Variants in PTPRK observed in about 807,000 individuals in gnomAD.
PTPRK encodes the protein protein tyrosine phosphatase receptor type K.
A neutral mutation model predicts 178.0 loss-of-function variants in PTPRK; 75 were observed. The ratio of observed to expected loss-of-function variants is 0.42; its 90% confidence interval spans 0.35 to 0.51. PTPRK has a LOEUF of 0.51. Among genes scored for constraint, PTPRK ranks in the 20% least tolerant of loss-of-function variants. The pLI, the probability that PTPRK is intolerant of heterozygous loss-of-function variation, is 0.02. For missense variants in PTPRK, 1,441 were observed against 1,797.8 expected (o/e 0.80, Z 3.59); for synonymous variants, 637 against 620.6 (o/e 1.03, Z -0.39).
intron 7 of PTPRK, among the ~76,000 whole-genome samples, chr6:128,143,899 C>A (rs911917276): frequency 6.6e-6 from 1 of 152,170 alleles, no homozygotes. Flanking sequence ...CAATGACAAA[C>A]GTATAACTAT....
intron 1 of PTPRK, among the ~76,000 whole-genome samples, chr6:128,518,264 C>G (rs886341241): frequency 3.9e-5 from 6 of 152,062 alleles, no homozygotes; most frequent in Non-Finnish European, 8.8e-5. Context: ...AAAGAAAAGC[C>G]AGGCATATTT....
intron 7 of PTPRK, among the ~76,000 whole-genome samples, chr6:128,147,179 TAC>T (rs1322585382): frequency 6.6e-6 from 1 of 152,176 alleles, no homozygotes; most frequent in Admixed American, 6.5e-5. Context: ...GTGAAATTTA[TAC>T]AGAGATTATA....
intron 7 of PTPRK, among the ~76,000 whole-genome samples, chr6:128,163,372 C>T (rs572961256): frequency 3.8e-4 from 58 of 151,272 alleles, no homozygotes; most frequent in African/African-American, 1.4e-3. Context: ...AACATTAAGG[C>T]TAATCTTCCA....
intron 1 of PTPRK, among the ~76,000 whole-genome samples, chr6:128,428,337 A>G (rs1844420284): frequency 6.6e-6 from 1 of 152,210 alleles, no homozygotes; most frequent in South Asian, 2.1e-4. Flanking sequence ...AGCAATCTAA[A>G]GATGCACATC....
intron 13 of PTPRK, among the ~76,000 whole-genome samples, chr6:128,043,199 A>T (rs1051680430): frequency 4.6e-5 from 7 of 152,066 alleles, no homozygotes; most frequent in Non-Finnish European, 1.0e-4. Flanking sequence ...TCTGGTAATT[A>T]TATACTCATA....
intron 3 of PTPRK, among the ~76,000 whole-genome samples, chr6:128,299,587 T>A (rs1250848723): frequency 6.6e-6 from 1 of 151,730 alleles, no homozygotes; most frequent in Non-Finnish European, 1.5e-5. Flanking sequence ...AACTATCTGA[T>A]CTTTGACAAA....
intron 3 of PTPRK, among the ~76,000 whole-genome samples, chr6:128,284,006 A>T (rs981831092): frequency 1.3e-5 from 2 of 152,170 alleles, no homozygotes; most frequent in Non-Finnish European, 2.9e-5. Context: ...TTAAAATTTG[A>T]GGTTCTCTCT....
chr6:128,384,321 T>C (rs1026203705), intron 2 of PTPRK, among the ~76,000 whole-genome samples: 2 of 152,208 alleles, frequency 1.3e-5, no homozygotes, highest in African/African-American at 4.8e-5. Context: ...TTAATGGAGA[T>C]ATTTCTCAAC....
chr6:128,067,489 G>A (rs778389054), intron 12 of PTPRK, 30 bp downstream of exon 12: 4 of 1,466,130 alleles, frequency 2.7e-6, no homozygotes, highest in Middle Eastern at 1.8e-4. Context: ...CTTCAAAGCA[G>A]GGAAAAAGCA....
chr6:128,322,767 T>C (rs778578300), intron 2 of PTPRK, among the ~76,000 whole-genome samples: 2 of 151,718 alleles, frequency 1.3e-5, no homozygotes, highest in Non-Finnish European at 2.9e-5. Flanking sequence ...CAGAATATTA[T>C]TGCAGGGAGA....
chr6:128,440,799 A>C (rs1453529465), intron 1 of PTPRK, among the ~76,000 whole-genome samples: 1 of 152,192 alleles, frequency 6.6e-6, no homozygotes, highest in African/African-American at 2.4e-5. Flanking sequence ...ATTCAACTGT[A>C]TAAATGGACT....
chr6:127,994,295 A>C (rs1042852509), intron 18 of PTPRK, among the ~76,000 whole-genome samples: 4 of 151,742 alleles, frequency 2.6e-5, no homozygotes, highest in Non-Finnish European at 1.5e-5. Context: ...AGAAGTATAC[A>C]TATGCTACCA....
At chr6:128,407,114 C>T (rs1407608571) in intron 1 of PTPRK, among the ~76,000 whole-genome samples, 4 of 152,156 alleles carry the variant, frequency 2.6e-5, no homozygotes, top group Non-Finnish European at 5.9e-5. Context: ...TCCACAATAT[C>T]CTATGATATT....
At chr6:128,049,907 C>T (rs762165425) in intron 13 of PTPRK, among the ~76,000 whole-genome samples, 4 of 152,120 alleles carry the variant, frequency 2.6e-5, no homozygotes, top group Non-Finnish European at 4.4e-5. Context: ...GAGGCCAAAG[C>T]GGGTGGAGCA....
intron 7 of PTPRK, among the ~76,000 whole-genome samples, chr6:128,103,089 G>C (rs1562587833): frequency 6.6e-6 from 1 of 151,036 alleles, no homozygotes; most frequent in African/African-American, 2.5e-5. Context: ...TTGAGCAGAT[G>C]AGCAGAAGAA....
At chr6:128,324,251 T>C (rs1420218664) in intron 2 of PTPRK, among the ~76,000 whole-genome samples, 1 of 152,156 alleles carries the variant, frequency 6.6e-6, no homozygotes, top group Non-Finnish European at 1.5e-5. Flanking sequence ...GTATCAATTA[T>C]GGCTTCTGAA....
At chr6:127,993,572 A>T (rs1451166624) in intron 18 of PTPRK, among the ~76,000 whole-genome samples, 1 of 151,720 alleles carries the variant, frequency 6.6e-6, no homozygotes, top group Non-Finnish European at 1.5e-5. Flanking sequence ...CAATACACAT[A>T]TAAATACATG....
intron 29 of PTPRK, among the ~76,000 whole-genome samples, chr6:127,970,532 T>G (rs1372938153): frequency 6.6e-6 from 1 of 152,094 alleles, no homozygotes; most frequent in African/African-American, 2.4e-5. Context: ...TTTTTAAATA[T>G]CTATAATTTT....
chr6:128,081,678 A>G (rs1423277236), intron 10 of PTPRK, among the ~76,000 whole-genome samples: 1 of 151,974 alleles, frequency 6.6e-6, no homozygotes, highest in African/African-American at 2.4e-5. Context: ...TTCAAATTTA[A>G]CTCTTCATTT....
Sources: gnomAD v4.1 joint callset for allele counts (sites outside exome capture counted in the v4.1 genomes callset) on GRCh38, gnomAD v4.1.1 for gene constraint, MANE v1.5 for transcripts, NCBI Gene and HGNC (gene_info 2026-07-23, HGNC 2026-07-21) for gene names.